The following DIAPH2 variants were observed in gnomAD, a reference collection of about 807,000 sequenced individuals.
DIAPH2 encodes diaphanous related formin 2.
Under a neutral mutation model 92.7 loss-of-function variants are expected in DIAPH2, and 35 were observed. The ratio of observed to expected loss-of-function variants is 0.38; its 90% CI spans 0.29 to 0.50. DIAPH2 has a LOEUF of 0.50. Among genes scored for constraint, DIAPH2 ranks in the 20% least tolerant of loss-of-function variants. The pLI is 0.94. For synonymous variants in DIAPH2, 301 were observed against 280.4 expected, an observed-to-expected ratio of 1.07 and a Z score of -0.73; for missense variants, 701 against 819.5, an observed-to-expected ratio of 0.86 and a Z score of 1.77.
At chrX:97,258,602 G>C (rs2068259034) in intron 23 of DIAPH2, among the ~76,000 whole-genome samples, 1 of 105,152 alleles carries the variant, frequency 9.5e-6, no homozygotes, top group African/African-American at 3.5e-5. Context: ...AGTCACGGTG[G>C]CTCACGCCTG....
chrX:96,797,268 G>T (rs1281534234), intron 4 of DIAPH2, among the ~76,000 whole-genome samples: 1 of 110,726 alleles, frequency 9.0e-6, no homozygotes, highest in Non-Finnish European at 1.9e-5. Context: ...ATCACCGGGG[G>T]TCAGGAATTC....
At chrX:96,992,962 T>A (rs2066082001) in intron 17 of DIAPH2, among the ~76,000 whole-genome samples, 1 of 112,601 alleles carries the variant, frequency 8.9e-6, no homozygotes, top group African/African-American at 3.2e-5. Context: ...ACAAACAAGT[T>A]ACAATGACTT....
intron 17 of DIAPH2, among the ~76,000 whole-genome samples, chrX:96,984,362 C>T (rs1466031472): frequency 9.1e-6 from 1 of 110,423 alleles, no homozygotes; most frequent in African/African-American, 3.3e-5. Context: ...AAAATGGGCT[C>T]TAGGCCTTTG....
intron 25 of DIAPH2, among the ~76,000 whole-genome samples, chrX:97,385,243 A>T (rs193084752): frequency 0.032 from 3,589 of 110,439 alleles, 64 homozygotes; most frequent in Admixed American, 0.044. Context: ...TTATTTATTT[A>T]TTTTTTTGAG....
In DIAPH2 at chrX:97,154,404, A is replaced by T. The variant is rs1050712839; in HGVS notation, c.2719+12610A>T. 8.9e-5 allele frequency among the ~76,000 whole-genome samples: 10 copies of T among 112,175 alleles called. No homozygotes were observed. The East Asian group carries it at 2.8e-3, about 31-fold the overall frequency. On this transcript the variant is annotated intron_variant, in intron 22 of 26. Transcript: ENST00000324765. ...AAAATTTTAGTTATAAATTTAATAT[A>T]AACTGATAAAGCAGTATAAACCTTG...
intron 4 of DIAPH2, among the ~76,000 whole-genome samples, chrX:96,787,097 C>T (rs1427095153): frequency 9.0e-6 from 1 of 111,619 alleles, no homozygotes; most frequent in Admixed American, 9.6e-5. Flanking sequence ...ATTATGGCTA[C>T]TTCCTGTCTA....
At chrX:96,852,355 A>T (rs2065011494) in intron 4 of DIAPH2, among the ~76,000 whole-genome samples, 1 of 112,309 alleles carries the variant, frequency 8.9e-6, no homozygotes, top group South Asian at 3.7e-4. Flanking sequence ...ACTCTTTAAT[A>T]TATTCATGTG....
intron 4 of DIAPH2, chrX:96,763,128 C>T: frequency 2.1e-6 from 2 of 957,209 alleles, no homozygotes; most frequent in Non-Finnish European, 2.7e-6. Context: ...ACGGTGAGTA[C>T]AAAAGATGTG....
intron 26 of DIAPH2, among the ~76,000 whole-genome samples, chrX:97,579,082 C>G (rs1346155718): frequency 3.6e-4 from 39 of 107,150 alleles, no homozygotes; most frequent in Non-Finnish European, 2.1e-4. Flanking sequence ...CCCTTTGTCA[C>G]ATGAGTAGGT....
chrX:97,557,046 T>C (rs1470420071), intron 26 of DIAPH2, among the ~76,000 whole-genome samples: 1 of 111,680 alleles, frequency 9.0e-6, no homozygotes, highest in Non-Finnish European at 1.9e-5. Context: ...TAGTTGTGAG[T>C]ATGCAAAGGG....
At chrX:96,802,258 G>A (rs978098698) in intron 4 of DIAPH2, among the ~76,000 whole-genome samples, 4 of 111,911 alleles carry the variant, frequency 3.6e-5, no homozygotes, top group African/African-American at 9.7e-5. Flanking sequence ...CTAATAAGCC[G>A]TAAATATTTT....
intron 17 of DIAPH2, among the ~76,000 whole-genome samples, chrX:96,999,668 G>A (rs1277331902): frequency 2.7e-5 from 3 of 110,493 alleles, no homozygotes; most frequent in African/African-American, 9.9e-5. Flanking sequence ...CAAAATGTTG[G>A]TACATGTATC....
intron 15 of DIAPH2, among the ~76,000 whole-genome samples, chrX:96,949,957 G>A (rs932635787): frequency 1.8e-5 from 2 of 110,616 alleles, no homozygotes; most frequent in Non-Finnish European, 3.8e-5. Context: ...GTTTCCACCA[G>A]TCTAGTGAAC....
chrX:97,239,912 A>G (rs1008522416), intron 22 of DIAPH2, among the ~76,000 whole-genome samples: 1 of 106,859 alleles, frequency 9.4e-6, no homozygotes, highest in Non-Finnish European at 1.9e-5. Context: ...TGCACCCCCT[A>G]CCTGAGAAAT....
At chrX:97,237,783 T>G (rs2068060497) in intron 22 of DIAPH2, among the ~76,000 whole-genome samples, 1 of 110,521 alleles carries the variant, frequency 9.0e-6, no homozygotes, top group African/African-American at 3.3e-5. Context: ...GAGTTTCACC[T>G]TGTTAGCCAG....
At chrX:96,686,774 CA>C (rs764674288) in intron 1 of DIAPH2, among the ~76,000 whole-genome samples, 1 of 112,046 alleles carries the variant, frequency 8.9e-6, no homozygotes, top group African/African-American at 3.2e-5. Flanking sequence ...GCAAGTTGAC[CA>C]AACAGTAAGA....
chrX:96,932,242 G>A (rs1300907429), intron 10 of DIAPH2, among the ~76,000 whole-genome samples: 1 of 110,435 alleles, frequency 9.1e-6, no homozygotes, highest in South Asian at 3.8e-4. Flanking sequence ...TCCTCTACTC[G>A]TTTATTAATA....
intron 25 of DIAPH2, among the ~76,000 whole-genome samples, chrX:97,410,642 T>C (rs190591238): frequency 3.4e-3 from 375 of 111,642 alleles, no homozygotes; most frequent in African/African-American, 0.012. Flanking sequence ...TCAAACCCAT[T>C]GCAAGGAAGC....
At chrX:97,365,284 A>G (rs1404230746) in intron 24 of DIAPH2, among the ~76,000 whole-genome samples, 2 of 111,388 alleles carry the variant, frequency 1.8e-5, no homozygotes, top group East Asian at 2.8e-4. Context: ...TCTCCTTCCC[A>G]TGGACTACTG....
Sources: allele counts gnomAD v4.1 joint callset (sites outside exome capture counted in the v4.1 genomes callset), GRCh38; gene constraint gnomAD v4.1.1; transcripts MANE v1.5; gene names NCBI Gene and HGNC (gene_info 2026-07-23, HGNC 2026-07-21).